Variants in PPP2CB observed in about 807,000 individuals in gnomAD.
PPP2CB encodes the protein protein phosphatase 2 catalytic subunit beta, also known as serine/threonine-protein phosphatase 2A catalytic subunit beta isoform.
Under a neutral mutation model 39.1 loss-of-function variants are expected in PPP2CB, and 18 were observed. The ratio of observed to expected loss-of-function variants is 0.46; its 90% CI spans 0.32 to 0.68. The LOEUF is 0.68. Among genes scored for constraint, PPP2CB ranks in the 30% least tolerant of loss-of-function variants. PPP2CB has a pLI of 0.04. For missense variants in PPP2CB, 226 were observed against 396.9 expected, an observed-to-expected ratio of 0.57 and a Z score of 3.66; for synonymous variants, 129 against 133.8, an observed-to-expected ratio of 0.96 and a Z score of 0.25.
Position 30,786,733 on chromosome 8 carries a change from G to A in PPP2CB, c.858-426C>T, listed in dbSNP as rs911148787. On this transcript the variant is annotated intron_variant, in intron 6 of 6. Transcript: ENST00000221138. The stretch of plus-strand genomic sequence containing the variant: ...GGCTGGAGTGCACTGGCACGATCTC[G>A]GCTTATTGCAAGCTCCGCCTCCTGG... Among the ~76,000 whole-genome samples the A allele has an allele frequency of 4.1e-5, 6 of 145,796 alleles. No homozygotes were observed. The South Asian group carries it at 8.6e-4, about 21-fold the overall frequency.
chr8:30,798,433 AGTTT>A (rs1806560688), intron 2 of PPP2CB, among the ~76,000 whole-genome samples: 1 of 151,140 alleles, frequency 6.6e-6, no homozygotes, highest in South Asian at 2.1e-4. Flanking sequence ...GTCTAACGTA[AGTTT>A]GGTGCTATAA....
rs960520300 is a variant in PPP2CB, at chr8:30,799,002, G to C, written c.312+544C>G. 2.6e-5 allele frequency among the ~76,000 whole-genome samples: 4 copies of C among 152,150 alleles called. 1 individual carries two copies. In the South Asian group the frequency reaches 8.3e-4, roughly 32 times the overall value. Reference sequence around the variant, plus strand: ...AGTTTATGCTACCAACCGCTGGCAGGCAAAAATTCAGACTAGACTATAGAA... The same window carrying C: ...AGTTTATGCTACCAACCGCTGGCAGCCAAAAATTCAGACTAGACTATAGAA... On this transcript the variant is annotated intron_variant, in intron 2 of 6. Coordinates refer to ENST00000221138, the MANE Select transcript of PPP2CB (RefSeq NM_001009552.2).
intron 1 of PPP2CB, among the ~76,000 whole-genome samples, chr8:30,806,116 C>T (rs941532526): frequency 2.7e-5 from 4 of 149,728 alleles, no homozygotes; most frequent in African/African-American, 9.9e-5. Context: ...GGCGCGATCT[C>T]GGCTCACTGC....
chr8:30,789,323 C>G (rs1029635698), intron 6 of PPP2CB, among the ~76,000 whole-genome samples: 8 of 152,204 alleles, frequency 5.3e-5, no homozygotes, highest in Non-Finnish European at 1.2e-4. Flanking sequence ...AGCCACCGTG[C>G]CTGACCGTTT....
At chr8:30,807,591 T>C (rs753155643) in intron 1 of PPP2CB, among the ~76,000 whole-genome samples, 31 of 152,334 alleles carry the variant, frequency 2.0e-4, no homozygotes, top group Admixed American at 9.8e-4. Context: ...AGCACACACA[T>C]TGGCTGAATT....
chr8:30,809,076 A>ATT (rs777467309), intron 1 of PPP2CB, among the ~76,000 whole-genome samples: 24 of 139,292 alleles, frequency 1.7e-4, no homozygotes, highest in Admixed American at 1.4e-3. Flanking sequence ...CGCCCAGCTA[A>ATT]TTTTTTTTTT....
intron 1 of PPP2CB, among the ~76,000 whole-genome samples, chr8:30,800,836 A>C (rs1378331514): frequency 6.6e-6 from 1 of 152,218 alleles, no homozygotes; most frequent in Non-Finnish European, 1.5e-5. Context: ...GAAAACCACG[A>C]AAGCTAAGAG....
intron 6 of PPP2CB, 162 bp from the exon 7 acceptor site, chr8:30,786,469 C>T (rs988873158): frequency 1.0e-5 from 5 of 496,880 alleles, no homozygotes; most frequent in Non-Finnish European, 1.7e-5. Context: ...GCAGATGCTC[C>T]CATTCCAACT....
intron 3 of PPP2CB, 161 bp from the exon 4 acceptor site, chr8:30,794,442 T>TC (rs1421861067): frequency 3.4e-6 from 2 of 592,708 alleles, no homozygotes; most frequent in Non-Finnish European, 2.8e-6. Context: ...GTCAATGGTA[T>TC]CCCCATCCTT....
chr8:30,796,118 A>C (rs1274730125), intron 3 of PPP2CB, among the ~76,000 whole-genome samples: 1 of 152,230 alleles, frequency 6.6e-6, no homozygotes, highest in African/African-American at 2.4e-5. Flanking sequence ...GCTTCAAAAC[A>C]ATTAAAAACA....
Position 30,791,192 on chromosome 8 carries a change from C to T in PPP2CB, c.857+5G>A. The T allele has an allele frequency of 6.4e-7, 1 of 1,556,162 alleles. No individual in the cohort carries two copies. The highest frequency in any genetic ancestry group is 8.8e-7 in the Non-Finnish European group (1 of 1,139,150). Reference sequence around the variant, plus strand: ...TATATACAATTAAAATTTACAGTTACTCACAAGGAATATTTTAAAGTGTCA... The same window carrying T: ...TATATACAATTAAAATTTACAGTTATTCACAAGGAATATTTTAAAGTGTCA... On this transcript the variant is annotated splice_donor_5th_base_variant and intron_variant, in intron 6 of 6. Transcript: ENST00000221138.
rs770428137 is a variant in PPP2CB, at chr8:30,794,297, CAA to C, written c.487-18_487-17del. 6.3e-7 allele frequency: 1 copy of C among 1,584,150 alleles called. No individual in the cohort carries two copies. The highest frequency in any genetic ancestry group is 8.7e-7 in the Non-Finnish European group (1 of 1,154,600). On this transcript the variant is annotated splice_polypyrimidine_tract_variant and intron_variant, in intron 3 of 6. Transcript: ENST00000221138. ...GGCAGAATATCTATGTATGAATTAA[CAA>C]AAGAGAATGTATTTGTTTTACTAAC...
At chr8:30,787,211 C>A (rs374379253) in intron 6 of PPP2CB, among the ~76,000 whole-genome samples, 11 of 152,130 alleles carry the variant, frequency 7.2e-5, no homozygotes, top group Non-Finnish European at 8.8e-5. Context: ...TATCTGTATT[C>A]GTAACAAATG....
At chr8:30,793,686 A>C in intron 5 of PPP2CB, 1 of 421,012 alleles carries the variant, frequency 2.4e-6, no homozygotes, top group African/African-American at 2.0e-5. Context: ...GCATACAGGG[A>C]ATTATGGGGT....
In PPP2CB at chr8:30,788,255, G is replaced by GTT. The variant is rs796884895; in HGVS notation, c.858-1950_858-1949dup. ...TAGGTTACTGATTTCAAATCTTCTT[G>GTT]TTTTTTTTTTTGTTTTTTTCTTTCT... On this transcript the variant is annotated intron_variant, in intron 6 of 6. Transcript: ENST00000221138. 2.8e-5 allele frequency among the ~76,000 whole-genome samples: 4 copies of GTT among 141,240 alleles called. No homozygotes were observed. In the East Asian group the frequency reaches 8.1e-4, roughly 28 times the overall value. 92.7% of individuals were successfully genotyped at this position (141,240 alleles called of 152,430 possible).
intron 1 of PPP2CB, among the ~76,000 whole-genome samples, chr8:30,803,391 T>C (rs1806658570): frequency 6.6e-6 from 1 of 151,468 alleles, no homozygotes. Flanking sequence ...AAAAAATGAG[T>C]AAAAAAAGCC....
At chr8:30,803,605 A>G (rs1377217984) in intron 1 of PPP2CB, among the ~76,000 whole-genome samples, 1 of 151,840 alleles carries the variant, frequency 6.6e-6, no homozygotes, top group Non-Finnish European at 1.5e-5. Context: ...TCTGGAATGG[A>G]GTCAAGGAAC....
intron 5 of PPP2CB, among the ~76,000 whole-genome samples, chr8:30,791,931 T>C (rs1468386013): frequency 3.3e-5 from 5 of 151,444 alleles, no homozygotes; most frequent in African/African-American, 9.7e-5. Flanking sequence ...CGTATATATG[T>C]ATGTATACAT....
chr8:30,792,421 C>A (rs1326532768), intron 5 of PPP2CB, among the ~76,000 whole-genome samples: 2 of 151,260 alleles, frequency 1.3e-5, no homozygotes, highest in Non-Finnish European at 2.9e-5. Context: ...CCAACTCTTA[C>A]CTCTAGTTTG....
Sources: allele counts gnomAD v4.1 joint callset (sites outside exome capture counted in the v4.1 genomes callset), GRCh38; gene constraint gnomAD v4.1.1; transcripts MANE v1.5; gene names NCBI Gene and HGNC (gene_info 2026-07-23, HGNC 2026-07-21).